RARB: variants seen among roughly 807,000 people sequenced by gnomAD.
RARB encodes retinoic acid receptor beta, also known as HBV-activated protein.
RARB carries 17 observed loss-of-function variants against 51.9 expected under a neutral mutation model. That is an observed-to-expected ratio of 0.33 (90% confidence interval 0.22 to 0.49). The LOEUF is 0.49. Ranked by LOEUF, RARB falls within the 20% of genes least tolerant of loss-of-function variation. RARB has a pLI of 0.99. For missense variants in RARB, 369 were observed against 550.8 expected (o/e 0.67, Z 3.30); for synonymous variants, 215 against 195.4 (o/e 1.10, Z -0.84).
chr3:25,128,798 T>G (rs1055466932), intron 3 of RARB, among the ~76,000 whole-genome samples: 3 of 151,758 alleles, frequency 2.0e-5, no homozygotes, highest in Non-Finnish European at 2.9e-5. Flanking sequence ...AAAAGAATGA[T>G]GAACTCGAGG....
At chr3:25,316,759 G>A (rs1442578719) in intron 5 of RARB, among the ~76,000 whole-genome samples, 1 of 152,166 alleles carries the variant, frequency 6.6e-6, no homozygotes, top group Admixed American at 6.6e-5. Flanking sequence ...TGACAATGAC[G>A]AGATTTTCTA....
chr3:25,366,677 G>A (rs149182469), intron 5 of RARB, among the ~76,000 whole-genome samples: 271 of 152,278 alleles, frequency 1.8e-3, no homozygotes, highest in African/African-American at 6.2e-3. Context: ...TTGTGAGGGG[G>A]ACTTGTTCTT....
At chr3:25,124,513 A>G (rs9854072) in intron 3 of RARB, among the ~76,000 whole-genome samples, 1,610 of 152,334 alleles carry the variant, frequency 0.011, 25 homozygotes, top group African/African-American at 0.036. Flanking sequence ...TGGAATGTAC[A>G]TGCAGGTCCC....
At chr3:25,449,055 C>A (rs958459644) in intron 1 of RARB, among the ~76,000 whole-genome samples, 3 of 152,002 alleles carry the variant, frequency 2.0e-5, no homozygotes, top group Admixed American at 2.0e-4. Context: ...ATGTGGCCTT[C>A]AGGTGAGGGA....
In RARB at chr3:25,033,437, C is replaced by T. The variant is rs551456459; in HGVS notation, c.-379-26688C>T. Among the ~76,000 whole-genome samples the T allele has an allele frequency of 2.2e-4, 34 of 152,178 alleles. 1 individual carries two copies. The highest frequency in any genetic ancestry group is 8.2e-4 in the African/African-American group (34 of 41,504). On this transcript the variant is annotated intron_variant, in intron 2 of 11. Coordinates refer to the RARB transcript ENST00000383772. ...AGATGGTGAATCAGAAGTTATTAAC[C>T]AGAAAATCTGAGAAACAAGCACCTC...
intron 5 of RARB, among the ~76,000 whole-genome samples, chr3:25,399,378 G>A (rs185867119): frequency 6.6e-6 from 1 of 152,188 alleles, no homozygotes; most frequent in African/African-American, 2.4e-5. Flanking sequence ...GAGTAGCCAT[G>A]TGACACAGTC....
intron 3 of RARB, among the ~76,000 whole-genome samples, chr3:25,521,273 A>T (rs1458810766): frequency 1.3e-5 from 2 of 152,106 alleles, no homozygotes; most frequent in Admixed American, 6.5e-5. Flanking sequence ...TAGCTTTCAA[A>T]CTTTGCGCAT....
chr3:24,989,116 G>A (rs557011302), intron 2 of RARB, among the ~76,000 whole-genome samples: 27 of 152,258 alleles, frequency 1.8e-4, no homozygotes, highest in South Asian at 1.4e-3. Flanking sequence ...GTGAGCCACC[G>A]CACCCGGCCC....
intron 5 of RARB, among the ~76,000 whole-genome samples, chr3:25,370,713 G>A (rs1359404060): frequency 6.6e-6 from 1 of 152,168 alleles, no homozygotes; most frequent in African/African-American, 2.4e-5. Flanking sequence ...GACAGCTGAA[G>A]GACCAGGCGT....
At chr3:25,042,380 A>G (rs1003083938) in intron 2 of RARB, among the ~76,000 whole-genome samples, 4 of 152,288 alleles carry the variant, frequency 2.6e-5, no homozygotes, top group East Asian at 1.9e-4. Context: ...AGCCAAGACT[A>G]TTGTCTCACT....
chr3:25,190,363 G>A (rs915079214), intron 5 of RARB, among the ~76,000 whole-genome samples: 4 of 152,022 alleles, frequency 2.6e-5, no homozygotes, highest in African/African-American at 7.2e-5. Context: ...AAATGATAAT[G>A]CCTTCTTTTG....
chr3:25,038,139 T>A (rs1345896124), intron 2 of RARB, among the ~76,000 whole-genome samples: 1 of 152,192 alleles, frequency 6.6e-6, no homozygotes, highest in African/African-American at 2.4e-5. Flanking sequence ...TTAGCATGGA[T>A]GGTCTGTAAG....
At chr3:25,463,772 G>A (rs1422468973) in intron 2 of RARB, among the ~76,000 whole-genome samples, 1 of 152,038 alleles carries the variant, frequency 6.6e-6, no homozygotes, top group African/African-American at 2.4e-5. Flanking sequence ...ATGTATTATG[G>A]TTTATGAATA....
chr3:25,227,768 C>G (rs965137147), intron 5 of RARB, among the ~76,000 whole-genome samples: 4 of 151,992 alleles, frequency 2.6e-5, no homozygotes, highest in African/African-American at 9.7e-5. Flanking sequence ...AGTGACCATC[C>G]CTTCATTTCA....
intron 2 of RARB, among the ~76,000 whole-genome samples, chr3:25,007,172 A>G (rs1176656188): frequency 6.6e-6 from 1 of 152,216 alleles, no homozygotes; most frequent in Non-Finnish European, 1.5e-5. Flanking sequence ...AGCAAAGAAA[A>G]AGGCCAGGGA....
intron 5 of RARB, among the ~76,000 whole-genome samples, chr3:25,175,086 T>A (rs192762981): frequency 1.1e-4 from 17 of 152,246 alleles, no homozygotes; most frequent in African/African-American, 4.1e-4. Flanking sequence ...TTAGTGTCCT[T>A]GGCACCTTTT....
chr3:24,962,731 A>G (rs1288887277), intron 2 of RARB, among the ~76,000 whole-genome samples: 2 of 152,212 alleles, frequency 1.3e-5, no homozygotes, highest in Non-Finnish European at 2.9e-5. Flanking sequence ...GAGGTGGAAC[A>G]GTTTCATCCT....
chr3:25,096,769 T>G (rs908441316), intron 3 of RARB, among the ~76,000 whole-genome samples: 2 of 152,156 alleles, frequency 1.3e-5, no homozygotes, highest in African/African-American at 4.8e-5. Flanking sequence ...ATTCATCATC[T>G]GTCAGTTGAG....
At position 25,166,671 on chromosome 3, in the gene RARB, TAC is replaced by T. The variant is rs571451706; in HGVS notation, c.-279-7447_-279-7446del. Among the ~76,000 whole-genome samples the T allele has an allele frequency of 5.2e-3, 793 of 152,306 alleles. 5 individuals carry two copies. Among genetic ancestry groups the T allele is most frequent in the Non-Finnish European group, 8.0e-3 (542 of 68,018 alleles). On this transcript the variant is annotated intron_variant, in intron 4 of 11. Transcript: ENST00000383772. Reference sequence around the variant, plus strand: ...GTAAATTGCAGCCAGAGGAAATGGATACGTTTTCTCCAAAAATCTTGTCTGTT... The same window carrying T: ...GTAAATTGCAGCCAGAGGAAATGGATGTTTTCTCCAAAAATCTTGTCTGTT...
Sources: allele counts gnomAD v4.1 joint callset (sites outside exome capture counted in the v4.1 genomes callset), GRCh38; gene constraint gnomAD v4.1.1; transcripts MANE v1.5; gene names NCBI Gene and HGNC (gene_info 2026-07-23, HGNC 2026-07-21).